Variants in C2CD3 observed in about 807,000 individuals in gnomAD.
C2CD3 encodes the protein C2 domain containing 3 centriole elongation regulator.
A neutral mutation model predicts 234.0 loss-of-function variants in C2CD3; 148 were observed. That is an observed-to-expected ratio of 0.63 (90% CI 0.55 to 0.72). The LOEUF (loss-of-function observed/expected upper bound fraction) is 0.72. Among genes scored for constraint, C2CD3 ranks in the 30% least tolerant of loss-of-function variants. The pLI is 0.00. For missense variants in C2CD3, 2,577 were observed against 2,811.5 expected, an observed-to-expected ratio of 0.92 and a Z score of 1.89; for synonymous variants, 1,000 against 1,035.4, an observed-to-expected ratio of 0.97 and a Z score of 0.66.
chr11:74,056,606 C>G (rs924380542), intron 25 of C2CD3, among the ~76,000 whole-genome samples: 1 of 152,180 alleles, frequency 6.6e-6, no homozygotes, highest in Non-Finnish European at 1.5e-5. Flanking sequence ...ATCACACAGT[C>G]AGTAAATTAC....
intron 3 of C2CD3, among the ~76,000 whole-genome samples, chr11:74,145,789 T>A (rs1407350375): frequency 6.6e-6 from 1 of 152,152 alleles, no homozygotes; most frequent in Non-Finnish European, 1.5e-5. Context: ...CCAGTACCAT[T>A]TATTGAATAG....
intron 3 of C2CD3, among the ~76,000 whole-genome samples, chr11:74,155,959 G>A (rs1855986354): frequency 1.3e-5 from 2 of 151,774 alleles, no homozygotes; most frequent in Non-Finnish European, 2.9e-5. Context: ...TGGACAACAT[G>A]GCAAAACCCT....
intron 22 of C2CD3, among the ~76,000 whole-genome samples, chr11:74,080,131 T>A (rs1955276561): frequency 6.6e-6 from 1 of 152,206 alleles, no homozygotes; most frequent in African/African-American, 2.4e-5. Flanking sequence ...TTTCAGATTT[T>A]GGCATTATAT....
chr11:74,126,338 A>G (rs1166046480), intron 7 of C2CD3, among the ~76,000 whole-genome samples: 1 of 152,116 alleles, frequency 6.6e-6, no homozygotes, highest in African/African-American at 2.4e-5. Context: ...TTTCATAATT[A>G]TGTGTCTTGG....
chr11:74,132,843 C>A lies in C2CD3; in HGVS notation c.1217+1G>T, dbSNP rs777494204. 6.2e-7 allele frequency: 1 copy of A among 1,612,882 alleles called. No homozygotes were observed. Among genetic ancestry groups the A allele is most frequent in the Non-Finnish European group, 8.5e-7 (1 of 1,179,524 alleles). The stretch of plus-strand genomic sequence containing the variant: ...GAAGAAAGCCAGTTAATAGTGCTTA[C>A]CTGCCTAATAGCAGCTGTATAGCTC... On this transcript the variant is annotated splice_donor_variant, in intron 7 of 32. Coordinates refer to ENST00000334126, the MANE Select transcript of C2CD3 (RefSeq NM_001286577.2). LOFTEE classifies it high-confidence loss of function.
At chr11:74,140,456 C>G (rs1229588928) in intron 3 of C2CD3, among the ~76,000 whole-genome samples, 1 of 152,164 alleles carries the variant, frequency 6.6e-6, no homozygotes, top group African/African-American at 2.4e-5. Flanking sequence ...GAACCTTTTA[C>G]TACAGGCCAG....
At chr11:74,032,644 G>A (rs901689740) in intron 31 of C2CD3, among the ~76,000 whole-genome samples, 2 of 152,104 alleles carry the variant, frequency 1.3e-5, no homozygotes, top group Admixed American at 6.6e-5. Context: ...GGGTGAGGCA[G>A]GAGGATTGCT....
At chr11:74,044,606 G>A (rs1287065076) in intron 28 of C2CD3, among the ~76,000 whole-genome samples, 2 of 152,018 alleles carry the variant, frequency 1.3e-5, no homozygotes, top group African/African-American at 4.8e-5. Context: ...AGATCTGAGG[G>A]TGTATGTGCA....
At chr11:74,090,088 A>T (rs1955816594) in intron 20 of C2CD3, among the ~76,000 whole-genome samples, 1 of 152,148 alleles carries the variant, frequency 6.6e-6, no homozygotes, top group Non-Finnish European at 1.5e-5. Context: ...GTTCAGAAGC[A>T]ACATGGGGGT....
chr11:74,092,360 A>G, intron 19 of C2CD3, 56 bp downstream of exon 19: 4 of 1,508,138 alleles, frequency 2.7e-6, no homozygotes. Flanking sequence ...CGGCTATTTT[A>G]TATATTTTTA....
chr11:74,057,615 C>T, intron 24 of C2CD3, 71 bp from the exon 25 acceptor site: 1 of 1,495,406 alleles, frequency 6.7e-7, no homozygotes. Context: ...CAGGCACAAG[C>T]AGGACTATTC....
rs80326936 is a variant in C2CD3, at chr11:74,103,239, T to C, written c.2472A>G (p.Lys824=). The C allele has an allele frequency of 7.4e-6, 12 of 1,614,190 alleles. No homozygotes were observed. The East Asian group carries it at 2.2e-4, about 30-fold the overall frequency. The change falls in exon 14 of 33, where the codon AAA becomes AAG. Residue 824 remains lysine, a synonymous_variant. Transcript: ENST00000334126. ...TTAAATAAACATTGCATGGTGATTG[T>C]TTCTCAGATTCTCCACTAATAAAAT... ...GKDFISGESE[K]QSPCNVYLNC... is the part of the protein sequence containing the mutation.
intron 3 of C2CD3, among the ~76,000 whole-genome samples, chr11:74,161,190 C>T (rs909774340): frequency 6.6e-6 from 1 of 151,990 alleles, no homozygotes; most frequent in East Asian, 1.9e-4. Context: ...GAAGGACTCT[C>T]GGAACTTGAG....
chr11:74,054,839 A>G (rs1953882401), intron 25 of C2CD3, among the ~76,000 whole-genome samples, 168 bp from the exon 26 acceptor site: 1 of 152,130 alleles, frequency 6.6e-6, no homozygotes, highest in African/African-American at 2.4e-5. Context: ...AAATGAGGGG[A>G]TGGAAGCTCA....
At chr11:74,014,804 T>C (rs1367131536) in intron 32 of C2CD3, among the ~76,000 whole-genome samples, 1 of 152,064 alleles carries the variant, frequency 6.6e-6, no homozygotes, top group East Asian at 1.9e-4. Flanking sequence ...ACCCATGAAA[T>C]AGAAGTGTGG....
Position 74,048,224 on chromosome 11 carries a change from CA to C in C2CD3, c.5475del (p.Asp1826IlefsTer46). 6.2e-7 allele frequency: 1 copy of C among 1,613,438 alleles called. No homozygotes were observed. The highest frequency in any genetic ancestry group is 8.5e-7 in the Non-Finnish European group (1 of 1,179,710). ...ACTCACCTCCCAGGAGAGGAGAAAT[CA>C]AGCTCCTTTGAGGAGGCATGAGCAA... ...DQLAHASSKE[L>X]DFSSPGRSDT... On this transcript the variant is annotated frameshift_variant, in exon 28 of 33. Transcript: ENST00000334126. LOFTEE classifies it high-confidence loss of function.
chr11:74,041,744 G>A (rs761477999), intron 29 of C2CD3, among the ~76,000 whole-genome samples: 3 of 152,220 alleles, frequency 2.0e-5, no homozygotes, highest in Non-Finnish European at 4.4e-5. Context: ...TCTGGACGAA[G>A]TAAATGGTTG....
At chr11:74,157,558 C>G (rs549586645) in intron 3 of C2CD3, among the ~76,000 whole-genome samples, 4 of 152,058 alleles carry the variant, frequency 2.6e-5, no homozygotes, top group Non-Finnish European at 4.4e-5. Context: ...TTTCTGGAAT[C>G]TGTTCCACTG....
At chr11:74,036,219 T>G (rs1299053718) in intron 30 of C2CD3, 2 of 313,894 alleles carry the variant, frequency 6.4e-6, no homozygotes, top group African/African-American at 4.3e-5. Context: ...CCTATTTGTT[T>G]CCACCTCTAC....
Sources: gnomAD v4.1 joint callset for allele counts (sites outside exome capture counted in the v4.1 genomes callset) on GRCh38, gnomAD v4.1.1 for gene constraint, MANE v1.5 for transcripts, NCBI Gene and HGNC (gene_info 2026-07-23, HGNC 2026-07-21) for gene names.